Variants in EPC2 observed in about 807,000 individuals in gnomAD.
The protein encoded by EPC2 is enhancer of polycomb homolog 2.
EPC2 carries 14 observed loss-of-function variants against 92.1 expected under a neutral mutation model. The observed-to-expected ratio is 0.15, with a 90% CI of 0.10 to 0.24. The LOEUF (loss-of-function observed/expected upper bound fraction) is 0.24. Ranked by LOEUF, EPC2 falls within the 10% of genes least tolerant of loss-of-function variation. The pLI is 1.00. For synonymous variants in EPC2, 340 were observed against 334.7 expected (o/e 1.02, Z -0.17); for missense variants, 755 against 971.5 (o/e 0.78, Z 2.96).
intron 2 of EPC2, among the ~76,000 whole-genome samples, chr2:148,735,711 T>G (rs1184336559): frequency 6.6e-6 from 1 of 151,972 alleles, no homozygotes; most frequent in Non-Finnish European, 1.5e-5. Context: ...AGTATTATAG[T>G]AATACTATTA....
chr2:148,759,238 G>A (rs182475011), intron 4 of EPC2, among the ~76,000 whole-genome samples: 10 of 152,124 alleles, frequency 6.6e-5, no homozygotes, highest in African/African-American at 1.7e-4. Flanking sequence ...GATTACAGGC[G>A]CCCATCACCA....
At chr2:148,672,726 T>G (rs1394940480) in intron 1 of EPC2, among the ~76,000 whole-genome samples, 2 of 152,164 alleles carry the variant, frequency 1.3e-5, no homozygotes, top group African/African-American at 2.4e-5. Flanking sequence ...TTAAAATAAT[T>G]TGCATACCAC....
intron 2 of EPC2, among the ~76,000 whole-genome samples, chr2:148,741,977 G>T (rs778498840): frequency 5.3e-5 from 8 of 151,974 alleles, no homozygotes; most frequent in Non-Finnish European, 8.8e-5. Context: ...ATATATTAGT[G>T]CGCTATATAT....
At chr2:148,672,669 C>T (rs1170035823) in intron 1 of EPC2, among the ~76,000 whole-genome samples, 1 of 152,074 alleles carries the variant, frequency 6.6e-6, no homozygotes, top group East Asian at 1.9e-4. Flanking sequence ...TATGCATTAA[C>T]ATAGTTTTTT....
intron 7 of EPC2, among the ~76,000 whole-genome samples, chr2:148,766,976 G>A (rs545791103): frequency 6.6e-6 from 1 of 152,192 alleles, no homozygotes; most frequent in East Asian, 1.9e-4. Context: ...TTGAGCCCAG[G>A]ACTTGGAGAC....
Position 148,753,997 on chromosome 2 carries a change from A to G in EPC2, c.530A>G (p.Tyr177Cys). The change falls in exon 4 of 14, where the codon TAC becomes TGC. Residue 177 changes from tyrosine to cysteine, a missense_variant. Tyr to Cys is a radical substitution (Grantham distance 194). Coordinates refer to ENST00000258484, the MANE Select transcript of EPC2 (RefSeq NM_015630.4). The part of the protein sequence containing the change: ...DDYLIKAVYD[Y>C]WVRKRKNCRG... ...TACCTTATTAAAGCTGTATATGACT[A>G]CTGGGTGAGAAAACGTAAAAACTGC... 6.2e-7 allele frequency: 1 copy of G among 1,612,242 alleles called. No homozygotes were observed. Among genetic ancestry groups the G allele is most frequent in the Non-Finnish European group, 8.5e-7 (1 of 1,179,180 alleles).
chr2:148,697,722 G>A (rs1345500013), intron 2 of EPC2, among the ~76,000 whole-genome samples: 1 of 152,164 alleles, frequency 6.6e-6, no homozygotes, highest in African/African-American at 2.4e-5. Context: ...GCATGCATGT[G>A]TGCACGCATA....
intron 1 of EPC2, among the ~76,000 whole-genome samples, chr2:148,678,456 C>T (rs1378888694): frequency 2.0e-5 from 3 of 152,312 alleles, no homozygotes; most frequent in Non-Finnish European, 2.9e-5. Context: ...CAGGGGGTGG[C>T]GCTTGTTGAG....
At position 148,771,403 on chromosome 2, in the gene EPC2, G is replaced by A. The variant is rs1443924138; in HGVS notation, c.1720+16G>A. 1 of 1,540,426 alleles carries A rather than the reference G, an allele frequency of 6.5e-7. No homozygotes were observed. Among genetic ancestry groups the A allele is most frequent in the Non-Finnish European group, 8.8e-7 (1 of 1,142,770 alleles). ...GGCATATCAGGTAAGCTGTTGCTGT[G>A]TTAAAAGTATATCCTGCTATTCTTT... is the stretch of plus-strand genomic sequence containing the variant. On this transcript the variant is annotated intron_variant, in intron 10 of 13. Coordinates refer to ENST00000258484, the MANE Select transcript of EPC2 (RefSeq NM_015630.4).
intron 4 of EPC2, among the ~76,000 whole-genome samples, chr2:148,760,007 C>T (rs1258257621): frequency 6.6e-6 from 1 of 152,064 alleles, no homozygotes; most frequent in Non-Finnish European, 1.5e-5. Flanking sequence ...CTTTGGGAGG[C>T]CAAGGTGGGC....
chr2:148,719,913 G>A (rs1682334495), intron 2 of EPC2, among the ~76,000 whole-genome samples: 2 of 152,316 alleles, frequency 1.3e-5, no homozygotes, highest in South Asian at 4.1e-4. Flanking sequence ...GAGCTCTTTC[G>A]GCCCATAGAA....
At chr2:148,657,730 A>C (rs952663591) in intron 1 of EPC2, among the ~76,000 whole-genome samples, 5 of 152,114 alleles carry the variant, frequency 3.3e-5, no homozygotes, top group African/African-American at 1.2e-4. Context: ...TTCTGGATTC[A>C]GTAGAATTGA....
intron 7 of EPC2, among the ~76,000 whole-genome samples, chr2:148,766,760 A>T (rs1035338423): frequency 6.6e-6 from 1 of 152,246 alleles, no homozygotes; most frequent in Non-Finnish European, 1.5e-5. Flanking sequence ...TACATCATAC[A>T]TACTGGGAAA....
Position 148,690,311 on chromosome 2 carries a change from A to G in EPC2, c.251A>G (p.Asn84Ser), listed in dbSNP as rs369927167. ...IPVPEAESNVNYYNRLYKGEF... is the reference protein window; with the variant it reads ...IPVPEAESNVSYYNRLYKGEF... ...GTTCCTGAGGCAGAGAGCAACGTCA[A>G]CTATTACAATCGCTTGTACAAAGGA... is the stretch of plus-strand genomic sequence containing the variant. The change falls in exon 2 of 14, where the codon AAC becomes AGC. Residue 84 changes from asparagine to serine, a missense_variant. Coordinates refer to ENST00000258484, the MANE Select transcript of EPC2 (RefSeq NM_015630.4). 140 of 1,612,696 alleles carry G rather than the reference A, an allele frequency of 8.7e-5. No homozygotes were observed. The highest frequency in any genetic ancestry group is 1.0e-4 in the Non-Finnish European group (123 of 1,179,536).
In EPC2 at chr2:148,770,932, T is replaced by C; in HGVS notation, c.1371T>C (p.Gly457=). 6.2e-7 allele frequency: 1 copy of C among 1,609,502 alleles called. No homozygotes were observed. The highest frequency in any genetic ancestry group is 2.2e-5 in the East Asian group (1 of 44,852). ...IGFARRRIGR[G]GRVIMDRIST... The stretch of plus-strand genomic sequence containing the variant: ...TTGCAAGGAGGCGAATTGGCAGAGG[T>C]GGAAGGTGAAGTATTTGTTTTCACC... Residue 457 remains glycine, a synonymous_variant, in exon 9 of 14, where the codon GGT becomes GGC. Coordinates refer to ENST00000258484, the MANE Select transcript of EPC2 (RefSeq NM_015630.4).
At chr2:148,650,748 G>C (rs145621306) in intron 1 of EPC2, among the ~76,000 whole-genome samples, 1 of 147,050 alleles carries the variant, frequency 6.8e-6, no homozygotes, top group Non-Finnish European at 1.5e-5. Flanking sequence ...TAATGGAGAG[G>C]GTATAAAATG....
chr2:148,768,896 C>G (rs1683465540), intron 7 of EPC2, among the ~76,000 whole-genome samples: 1 of 152,120 alleles, frequency 6.6e-6, no homozygotes, highest in African/African-American at 2.4e-5. Context: ...TAAGACTTAG[C>G]ACTTCATGTT....
At position 148,786,358 on chromosome 2, in the gene EPC2, T is replaced by C. The variant is rs370120380; in HGVS notation, c.2405T>C (p.Val802Ala). ...TTAAATGGAATAGCAGAGACAACAG[T>C]AGCTATGGAAGTGACATAACCTAAA... ...LGLNGIAETT[V>A]AMEVT The change falls in exon 14 of 14, where the codon GTA (valine) becomes GCA (alanine). Residue 802 changes from valine (V) to alanine (A), a missense_variant. Val to Ala is a moderately conservative substitution (Grantham distance 64). Around this residue, in one of 4 missense-constraint regions of EPC2, gnomAD observed 207 missense variants for 260.5 expected, o/e 0.79. Coordinates refer to ENST00000258484, the MANE Select transcript of EPC2 (RefSeq NM_015630.4). 5.0e-6 allele frequency: 8 copies of C among 1,610,578 alleles called. No individual in the cohort carries two copies. The highest frequency in any genetic ancestry group is 1.6e-4 in the Middle Eastern group (1 of 6,078).
At chr2:148,666,719 C>T (rs1681062740) in intron 1 of EPC2, among the ~76,000 whole-genome samples, 1 of 152,170 alleles carries the variant, frequency 6.6e-6, no homozygotes, top group African/African-American at 2.4e-5. Context: ...TCAAACATCA[C>T]CTGGGAACTT....
Sources: gnomAD v4.1 joint callset for allele counts (sites outside exome capture counted in the v4.1 genomes callset) on GRCh38, gnomAD v4.1.1 for gene constraint, gnomAD v4.1.1 regional missense constraint, MANE v1.5 for transcripts, NCBI Gene and HGNC (gene_info 2026-07-23, HGNC 2026-07-21) for gene names.